CAPN14: variants seen among roughly 807,000 people sequenced by gnomAD.
CAPN14 encodes the protein calpain 14.
A neutral mutation model predicts 101.3 loss-of-function variants in CAPN14; 94 were observed. That is an observed-to-expected ratio of 0.93 (90% CI 0.79 to 1.10). CAPN14 has a LOEUF of 1.10. CAPN14 is among the 50% of genes least tolerant of loss of function. The pLI is 0.00. For missense variants in CAPN14, 837 were observed against 828.4 expected (o/e 1.01, Z -0.13); for synonymous variants, 338 against 317.9 (o/e 1.06, Z -0.67).
chr2:31,202,385 G>A lies in CAPN14; in HGVS notation c.296-133C>T. 6 of 666,202 alleles carry A rather than the reference G, an allele frequency of 9.0e-6. No individual in the cohort carries two copies. The South Asian group carries it at 1.2e-4, about 13-fold the overall frequency. The allele number at this position is 666,202 out of a possible 1,614,324, so 41.3% of individuals were successfully genotyped here. On this transcript the variant is annotated intron_variant, in intron 3 of 21. Coordinates refer to ENST00000403897, the MANE Select transcript of CAPN14 (RefSeq NM_001145122.2). ...GGAGAAGGGAATTATATACTGGGAAGGCGGATGATGAGTGAGCAGAGGTGG... is the reference window on the plus strand; with the variant it reads ...GGAGAAGGGAATTATATACTGGGAAAGCGGATGATGAGTGAGCAGAGGTGG...
At position 31,194,572 on chromosome 2, in the gene CAPN14, T is replaced by C. The variant is rs1008651018; in HGVS notation, c.876-89A>G. ...TCTATAGTGTCATTATTTATTATTA[T>C]TTTCATACTACCTCAGACAACTAAA... On this transcript the variant is annotated intron_variant, in intron 8 of 21. Transcript: ENST00000403897. 4 of 839,630 alleles carry C rather than the reference T, an allele frequency of 4.8e-6. No homozygotes were observed. The African/African-American group carries it at 6.9e-5, about 14-fold the overall frequency. 52.0% of individuals were successfully genotyped at this position (839,630 alleles called of 1,614,324 possible).
rs1330116517 is a variant in CAPN14, at chr2:31,178,588, T to A, written c.1711-9A>T. 1.3e-6 allele frequency: 2 copies of A among 1,511,950 alleles called. No homozygotes were observed. The highest frequency in any genetic ancestry group is 5.0e-5 in the East Asian group (2 of 39,720). 93.7% of individuals were successfully genotyped at this position (1,511,950 alleles called of 1,614,324 possible). ...GTACCTGATGCATTAAGCTGATTAA[T>A]AGGTTAAGGTAAAAGCTTCCAGGGA... On this transcript the variant is annotated splice_polypyrimidine_tract_variant and intron_variant, in intron 17 of 21. Transcript: ENST00000403897.
intron 2 of CAPN14, among the ~76,000 whole-genome samples, chr2:31,224,218 T>C (rs111972544): frequency 3.3e-5 from 5 of 152,118 alleles, no homozygotes; most frequent in African/African-American, 7.2e-5. Context: ...TCAGCTTCCA[T>C]TGATGGCACC....
chr2:31,192,243 A>C, intron 10 of CAPN14, 145 bp from the exon 11 acceptor site: 1 of 951,724 alleles, frequency 1.1e-6, no homozygotes, highest in East Asian at 2.8e-5. Flanking sequence ...GGGTCCCTTC[A>C]ACCTTGGATT....
In CAPN14 at chr2:31,185,477, A is replaced by C. The variant is rs115666672; in HGVS notation, c.1645+951T>G. Among the ~76,000 whole-genome samples, 293 of 152,308 alleles carry C rather than the reference A, an allele frequency of 1.9e-3. 2 individuals are homozygous for C. Among genetic ancestry groups the C allele is most frequent in the African/African-American group, 6.7e-3 (278 of 41,572 alleles). ...CTAAATGAAAGCAATTTGTTCATAA[A>C]TGCTTTGGAAAACCATTTTGTATAT... On this transcript the variant is annotated intron_variant, in intron 16 of 21. Coordinates refer to ENST00000403897, the MANE Select transcript of CAPN14 (RefSeq NM_001145122.2).
chr2:31,222,483 T>A (rs1011832347), upstream of CAPN14, among the ~76,000 whole-genome samples: 5 of 152,210 alleles, frequency 3.3e-5, no homozygotes, highest in South Asian at 4.1e-4. Context: ...AGATAGCAAC[T>A]CACCTCTAAG....
intron 1 of CAPN14, among the ~76,000 whole-genome samples, chr2:31,228,126 A>G (rs148310386): frequency 1.1e-3 from 165 of 152,364 alleles, no homozygotes; most frequent in African/African-American, 3.7e-3. Context: ...ACCAGGATGC[A>G]ATGGTAGTTG....
intron 1 of CAPN14, among the ~76,000 whole-genome samples, chr2:31,216,663 T>G (rs1682656649): frequency 6.6e-6 from 1 of 152,016 alleles, no homozygotes; most frequent in African/African-American, 2.4e-5. Context: ...CTGAAACACT[T>G]AGGTACCACC....
chr2:31,201,059 G>A (rs866156490), intron 5 of CAPN14, among the ~76,000 whole-genome samples: 5 of 152,088 alleles, frequency 3.3e-5, no homozygotes, highest in African/African-American at 9.7e-5. Context: ...CTCTCTTTCC[G>A]CCTGGGCCCC....
chr2:31,180,832 A>C, intron 17 of CAPN14, 104 bp downstream of exon 17: 5 of 972,546 alleles, frequency 5.1e-6, no homozygotes. Flanking sequence ...CCAGGATCCC[A>C]CAATTAGCAA....
intron 16 of CAPN14, among the ~76,000 whole-genome samples, chr2:31,183,341 C>G (rs1453562960): frequency 1.3e-5 from 2 of 152,160 alleles, no homozygotes; most frequent in African/African-American, 2.4e-5. Flanking sequence ...AAAATGGGAT[C>G]TAATTAAACT....
chr2:31,180,540 A>C (rs568516155), intron 17 of CAPN14, among the ~76,000 whole-genome samples: 3 of 152,252 alleles, frequency 2.0e-5, no homozygotes, highest in African/African-American at 7.2e-5. Context: ...CCCAGTTATT[A>C]AATGGAAAAC....
chr2:31,174,776 C>A (rs567400443), intron 21 of CAPN14, 69 bp from the exon 22 acceptor site: 47 of 1,440,998 alleles, frequency 3.3e-5, no homozygotes, highest in Admixed American at 1.6e-4. Flanking sequence ...CCCCATCCCA[C>A]ACTCCTGGGG....
At chr2:31,233,182 CA>C (rs953664363) in intron 1 of CAPN14, among the ~76,000 whole-genome samples, 7 of 152,194 alleles carry the variant, frequency 4.6e-5, no homozygotes, top group African/African-American at 1.4e-4. Context: ...GTTAATGTAA[CA>C]ATGATTAGTA....
At chr2:31,181,349 G>A (rs561586060) in intron 16 of CAPN14, among the ~76,000 whole-genome samples, 109 of 151,328 alleles carry the variant, frequency 7.2e-4, no homozygotes, top group Non-Finnish European at 1.3e-3. Flanking sequence ...CAACCAAACT[G>A]GGGGATTCTT....
At position 31,205,345 on chromosome 2, in the gene CAPN14, C is replaced by T. The variant is rs775413627; in HGVS notation, c.103G>A (p.Ala35Thr). 21 of 1,551,274 alleles carry T rather than the reference C, an allele frequency of 1.4e-5. No individual in the cohort carries two copies. In the South Asian group the frequency reaches 2.5e-4, roughly 18 times the overall value. ...QPQQDFEALL[A>T]ECLRNGCLFE... The stretch of plus-strand genomic sequence containing the variant: ...AGGCAGCCATTCCTCAGGCACTCTG[C>T]CAGCAGGGCCTCAAAGTCCTGTTGG... Residue 35 changes from alanine to threonine, a missense_variant, in exon 2 of 22, where the codon GCA becomes ACA. By Grantham distance (58) the Ala-to-Thr change is moderately conservative. Transcript: ENST00000403897.
At position 31,174,023 on chromosome 2, in the gene CAPN14, A is replaced by G. The variant is rs1489788804; in HGVS notation, c.*658T>C. The stretch of plus-strand genomic sequence containing the variant: ...AGCCCTTTGAGAACTCAGGTGTTTT[A>G]AATCTACTAGGTTGCCCCAGATCCA... On this transcript the variant is annotated 3_prime_UTR_variant, in exon 22 of 22. Transcript: ENST00000403897. 6.6e-6 allele frequency: 1 copy of G among 152,390 alleles called. No homozygotes were observed. The highest frequency in any genetic ancestry group is 1.5e-5 in the Non-Finnish European group (1 of 68,230). The allele number at this position is 152,390 out of a possible 1,614,324, so 9.4% of individuals were successfully genotyped here.
At chr2:31,208,842 T>C (rs1035025017) in intron 1 of CAPN14, among the ~76,000 whole-genome samples, 4 of 152,132 alleles carry the variant, frequency 2.6e-5, no homozygotes, top group African/African-American at 9.7e-5. Flanking sequence ...AATAGATAGG[T>C]GAAGGCTAAT....
intron 16 of CAPN14, among the ~76,000 whole-genome samples, chr2:31,183,824 C>T (rs1344785358): frequency 6.6e-6 from 1 of 151,078 alleles, no homozygotes; most frequent in African/African-American, 2.4e-5. Flanking sequence ...CCCTCTCTCC[C>T]TCCCTCTCTC....
Sources: allele counts gnomAD v4.1 joint callset (sites outside exome capture counted in the v4.1 genomes callset), GRCh38; gene constraint gnomAD v4.1.1; transcripts MANE v1.5; gene names NCBI Gene and HGNC (gene_info 2026-07-23, HGNC 2026-07-21).